OR2L13: variants seen among roughly 807,000 people sequenced by gnomAD.
The protein encoded by OR2L13 is olfactory receptor 2L13.
OR2L13 carries 14 observed loss-of-function variants against 15.3 expected under a neutral mutation model. That is an observed-to-expected ratio of 0.91 (90% CI 0.60 to 1.43). OR2L13 has a LOEUF of 1.43. Among genes scored for constraint, OR2L13 ranks in the 40% most tolerant of loss-of-function variants. The pLI is 0.00. For synonymous variants in OR2L13, 152 were observed against 142.9 expected, an observed-to-expected ratio of 1.06 and a Z score of -0.45; for missense variants, 367 against 387.9, an observed-to-expected ratio of 0.95 and a Z score of 0.45.
At chr1:248,045,548 T>C in the OR2L13 span, among the ~76,000 whole-genome samples, 2 of 152,244 alleles carry the variant, frequency 1.3e-5, no homozygotes, top group Non-Finnish European at 2.9e-5. Context: ...CAAATAGGTT[T>C]TGTCTTCTGT....
the OR2L13 span, chr1:248,042,432 G>C: frequency 1.3e-5 from 2 of 151,632 alleles, no homozygotes; most frequent in Non-Finnish European, 2.9e-5. Flanking sequence ...GTGCAGTGCA[G>C]CAGCATGGCT....
chr1:248,003,078 T>A, the OR2L13 span: 1 of 903,992 alleles, frequency 1.1e-6, no homozygotes. Context: ...AAGGATGAAT[T>A]TCTGTCTTAA....
chr1:248,022,912 G>T, the OR2L13 span: 5 of 1,572,916 alleles, frequency 3.2e-6, no homozygotes, highest in Non-Finnish European at 3.4e-6. Flanking sequence ...TAGAGTCAAA[G>T]CGCTAGGTTC....
At chr1:248,097,135 C>CCT (rs1664757824), upstream of OR2L13, 1 of 152,164 alleles carries the variant, frequency 6.6e-6, no homozygotes. Flanking sequence ...CTCCTGATTC[C>CCT]TCCCTTTCTT....
chr1:247,964,250 A>G, the OR2L13 span, among the ~76,000 whole-genome samples: 10 of 152,092 alleles, frequency 6.6e-5, no homozygotes, highest in African/African-American at 2.4e-4. Context: ...ATCTTACTGC[A>G]GTGTGTTTAG....
At chr1:248,003,114 G>A in the OR2L13 span, 1 of 1,181,636 alleles carries the variant, frequency 8.5e-7, no homozygotes, top group Non-Finnish European at 1.3e-6. Context: ...CTTCCGGATG[G>A]ATTGTAGGAA....
At chr1:248,022,445 A>G in the OR2L13 span, 5 of 1,614,190 alleles carry the variant, frequency 3.1e-6, no homozygotes, top group Non-Finnish European at 4.2e-6. Context: ...TCCGTATCCC[A>G]TATTGCAAGT....
At chr1:248,011,222 G>T in the OR2L13 span, among the ~76,000 whole-genome samples, 1 of 152,046 alleles carries the variant, frequency 6.6e-6, no homozygotes, top group Admixed American at 6.6e-5. Flanking sequence ...GCTTAGTTTG[G>T]CTGGATATGA....
At chr1:248,093,620 G>A (rs1664650232), upstream of OR2L13, among the ~76,000 whole-genome samples, 3 of 152,160 alleles carry the variant, frequency 2.0e-5, no homozygotes, top group Admixed American at 2.0e-4. Context: ...TTTGCATCCA[G>A]TATTTATTGA....
chr1:247,948,236 G>A, the OR2L13 span, among the ~76,000 whole-genome samples: 48 of 152,086 alleles, frequency 3.2e-4, no homozygotes, highest in African/African-American at 1.1e-3. Flanking sequence ...AAAAGAATAA[G>A]TGTGGAAATA....
At chr1:247,956,869 A>G in the OR2L13 span, among the ~76,000 whole-genome samples, 3,701 of 152,274 alleles carry the variant, frequency 0.024, 59 homozygotes, top group East Asian at 0.036. Flanking sequence ...TTTTCTAGAT[A>G]TACAATCATG....
chr1:248,072,977 C>T, the OR2L13 span, among the ~76,000 whole-genome samples: 4 of 145,628 alleles, frequency 2.7e-5, no homozygotes, highest in African/African-American at 9.9e-5. Flanking sequence ...CAGGAAACGA[C>T]AGGTGCTGGA....
the OR2L13 span, among the ~76,000 whole-genome samples, chr1:248,012,085 A>T: frequency 6.6e-6 from 1 of 152,142 alleles, no homozygotes. Flanking sequence ...TATTCTAATC[A>T]CTTCTTCCAG....
At chr1:247,968,495 G>GC in the OR2L13 span, among the ~76,000 whole-genome samples, 2,075 of 65,382 alleles carry the variant, frequency 0.032, 39 homozygotes, top group African/African-American at 0.089. Context: ...CCTTCCCCCA[G>GC]CCCCCCACCC....
the OR2L13 span, among the ~76,000 whole-genome samples, chr1:248,034,489 G>A: frequency 1.3e-5 from 2 of 152,026 alleles, no homozygotes; most frequent in Non-Finnish European, 2.9e-5. Context: ...ATTTTAGCAT[G>A]GTTTTTCTAT....
chr1:247,954,960 A>AT, the OR2L13 span, among the ~76,000 whole-genome samples: 702 of 151,616 alleles, frequency 4.6e-3, 4 homozygotes, highest in Admixed American at 7.9e-3. Context: ...ATATATATAT[A>AT]TTTTTACTTT....
the OR2L13 span, among the ~76,000 whole-genome samples, chr1:247,970,256 G>A: frequency 6.6e-6 from 1 of 151,876 alleles, no homozygotes; most frequent in Admixed American, 6.6e-5. Context: ...TGTAAAACAT[G>A]ACATTTGCCT....
At chr1:248,059,877 A>G in the OR2L13 span, among the ~76,000 whole-genome samples, 1 of 152,074 alleles carries the variant, frequency 6.6e-6, no homozygotes, top group Admixed American at 6.6e-5. Context: ...CTTCATGTCT[A>G]CAAAAATAGA....
At chr1:248,027,864 T>C in the OR2L13 span, among the ~76,000 whole-genome samples, 1 of 151,910 alleles carries the variant, frequency 6.6e-6, no homozygotes, top group African/African-American at 2.4e-5. Context: ...GCAGACTCCC[T>C]AAAAACATGT....
Sources: gnomAD v4.1 joint callset for allele counts (sites outside exome capture counted in the v4.1 genomes callset) on GRCh38, gnomAD v4.1.1 for gene constraint, MANE v1.5 for transcripts, NCBI Gene and HGNC (gene_info 2026-07-23, HGNC 2026-07-21) for gene names.